The following HYI variants were observed in gnomAD, a reference collection of about 807,000 sequenced individuals.
The protein encoded by HYI is putative hydroxypyruvate isomerase.
Under a neutral mutation model 39.7 loss-of-function variants are expected in HYI, and 47 were observed. The observed-to-expected ratio is 1.18, with a 90% CI of 0.94 to 1.51. HYI has a LOEUF of 1.51. Among genes scored for constraint, HYI ranks in the 40% most tolerant of loss-of-function variants. HYI has a pLI of 0.00. For missense variants in HYI, 465 were observed against 370.3 expected (o/e 1.26, Z -2.10); for synonymous variants, 186 against 158.8 (o/e 1.17, Z -1.29).
downstream of HYI, chr1:43,450,879 G>C (rs373927228): frequency 1.4e-6 from 1 of 727,538 alleles, no homozygotes; most frequent in Non-Finnish European, 2.5e-6. This position sits in a 1 kb window ranked among gnomAD's most constrained non-coding sequence, Gnocchi z 4.3. Flanking sequence ...TTGAGCCTTC[G>C]GGTCTTCACT....
intron 2 of HYI, 43 bp from the exon 3 acceptor site, chr1:43,452,362 C>G: frequency 6.9e-7 from 1 of 1,459,408 alleles, no homozygotes; most frequent in African/African-American, 1.4e-5. Context: ...CCTTGGCTCT[C>G]TCTGCACCTC....
rs997249942 is a variant in HYI at position 43,453,643 on chromosome 1, C to G, written c.151G>C (p.Ala51Pro). The G allele has an allele frequency of 5.4e-6, 8 of 1,489,892 alleles. No homozygotes were observed. The highest frequency in any genetic ancestry group is 2.3e-5 in the Admixed American group (1 of 42,718). The allele number at this position is 1,489,892 out of a possible 1,614,324, so 92.3% of individuals were successfully genotyped here. A position where few individuals can be genotyped will look rare whatever the true frequency, so the allele number is the denominator to read the frequency against. The part of the protein sequence containing the change: ...YAETPEALAR[A>P]AREAGLRLVL... ...AGCCGCAGCCCCGCTTCTCGCGCGG[C>G]GCGCGCCAGCGCCTCAGGCGTCTCC... The change falls in exon 1 of 8, where the codon GCC (alanine) becomes CCC (proline). Residue 51 changes from alanine to proline, a missense_variant. Coordinates refer to ENST00000372430, the MANE Select transcript of HYI (RefSeq NM_001190880.3).
At position 43,453,460 on chromosome 1, in the gene HYI, G is replaced by T. The variant is rs777772412; in HGVS notation, c.237C>A (p.Val79=). 2 of 1,563,102 alleles carry T rather than the reference G, an allele frequency of 1.3e-6. No homozygotes were observed. The highest frequency in any genetic ancestry group is 8.7e-7 in the Non-Finnish European group (1 of 1,152,798). ...CTCGGAAGGCCGCCTGTCTCCCGGG[G>T]ACGGCCCCCAGCCCCATTTCCCCCT... is the stretch of plus-strand genomic sequence containing the variant. ...QEKGEMGLGA[V]PGRQAAFREG... is the part of the protein sequence containing the mutation. Residue 79 remains valine (V), a synonymous_variant, in exon 2 of 8, where the codon GTC becomes GTA. Transcript: ENST00000372430.
intron 2 of HYI, 74 bp downstream of exon 2, chr1:43,453,312 C>T: frequency 1.1e-6 from 1 of 950,894 alleles, no homozygotes; most frequent in Non-Finnish European, 1.6e-6. Context: ...CGTCTCAGAT[C>T]TGGCGTCCTC....
downstream of HYI, chr1:43,450,678 C>G: frequency 5.0e-6 from 4 of 797,296 alleles, no homozygotes; most frequent in South Asian, 6.7e-5. The surrounding 1 kb of genome is among the most constrained non-coding windows in gnomAD (Gnocchi z 4.3). Context: ...CAAACACCCA[C>G]AGCCACTGAC....
chr1:43,451,975 G>A lies in HYI; in HGVS notation c.465C>T (p.Arg155=), dbSNP rs1295988230. ...CCAGGAAGTACTGGGGGTCAGTGAT[G>A]CGGGTGTTGATGGGCTCCAGCAGTC... ...LVGLLEPINT[R]ITDPQYFLDT... The change falls in exon 4 of 8, where the codon CGC becomes CGT. Residue 155 remains arginine (R), a synonymous_variant. Transcript: ENST00000372430. 6.2e-7 allele frequency: 1 copy of A among 1,611,616 alleles called. No homozygotes were observed. The highest frequency in any genetic ancestry group is 1.1e-5 in the South Asian group (1 of 90,922).
intron 2 of HYI, 146 bp downstream of exon 2, chr1:43,453,240 G>A (rs1019906772): frequency 6.2e-6 from 4 of 647,000 alleles, no homozygotes; most frequent in Non-Finnish European, 1.1e-5. Context: ...AATACAAAAG[G>A]CAATTTACAA....
At position 43,453,779 on chromosome 1, in the gene HYI, G is replaced by A; in HGVS notation, c.15C>T (p.Arg5=). MAPL[R]FSANLSWLFP... ...ATAGCCAGGACAGATTGGCGGAGAA[G>A]CGCAGCGGCGCCATGCCTGGGGAGG... The change falls in exon 1 of 8, where the codon CGC becomes CGT. Residue 5 remains arginine, a synonymous_variant. Transcript: ENST00000372430. The A allele has an allele frequency of 3.1e-6, 4 of 1,285,476 alleles. No homozygotes were observed. Among genetic ancestry groups the A allele is most frequent in the South Asian group, 2.7e-5 (1 of 37,166 alleles). The allele number at this position is 1,285,476 out of a possible 1,614,324, so 79.6% of individuals were successfully genotyped here. A position where few individuals can be genotyped will look rare whatever the true frequency, so the allele number is the denominator to read the frequency against.
rs1380823309 is a variant in HYI, at chr1:43,453,707, G to T, written c.87C>A (p.Ser29Arg). The T allele has an allele frequency of 7.1e-7, 1 of 1,417,088 alleles. No individual in the cohort carries two copies. Among genetic ancestry groups the T allele is most frequent in the Non-Finnish European group, 9.1e-7 (1 of 1,095,476 alleles). 87.8% of individuals were successfully genotyped at this position (1,417,088 alleles called of 1,614,324 possible). A position where few individuals can be genotyped will look rare whatever the true frequency, so the allele number is the denominator to read the frequency against. The change falls in exon 1 of 8, where the codon AGC becomes AGA. Residue 29 changes from serine (S) to arginine (R), a missense_variant. Ser to Arg is a moderately radical substitution (Grantham distance 110, BLOSUM62 -1). Transcript: ENST00000372430. ...GLPARVRAAG[S>R]SGFEAVEVAW... The stretch of plus-strand genomic sequence containing the variant: ...CCACCTCGACGGCCTCGAAGCCCGA[G>T]CTGCCCGCGGCCCGCACCCGCGCGG...
chr1:43,452,751 A>G, intron 2 of HYI: 1 of 742,700 alleles, frequency 1.3e-6, no homozygotes, highest in South Asian at 1.7e-5. Context: ...CCCTCTTGCC[A>G]GTTCCTTCTG....
Position 43,451,285 on chromosome 1 carries a change from G to C in HYI, c.787C>G (p.Leu263Val), listed in dbSNP as rs371015864. 1 of 1,614,048 alleles carries C rather than the reference G, an allele frequency of 6.2e-7. No homozygotes were observed. The change falls in exon 8 of 8, where the codon CTA becomes GTA. Residue 263 changes from leucine (L) to valine (V), a missense_variant. Physicochemically the swap from Leu to Val is conservative, Grantham distance 32. Coordinates refer to ENST00000372430, the MANE Select transcript of HYI (RefSeq NM_001190880.3). ...RGDTVEGLSW[L>V]RSYWDRRGHP... is the part of the protein sequence containing the mutation. ...CCCCGCCTATCCCAGTATGAACGTA[G>C]CCAACTCAAGCCCTCTACTGTGTCT...
chr1:43,452,532 G>A (rs577356232), intron 2 of HYI: 45 of 656,300 alleles, frequency 6.9e-5, no homozygotes, highest in African/African-American at 3.6e-4. Context: ...TCCACCCACC[G>A]CCTCCTGCCT....
At position 43,452,530 on chromosome 1, in the gene HYI, C is replaced by T. The variant is rs1311169614; in HGVS notation, c.312-211G>A. On this transcript the variant is annotated intron_variant, in intron 2 of 7. Coordinates refer to ENST00000372430, the MANE Select transcript of HYI (RefSeq NM_001190880.3). Reference sequence around the variant, plus strand: ...TCCCAGACATCTCAGTGTCCACCCACCGCCTCCTGCCTCCAGTACTTTCCA... The same window carrying T: ...TCCCAGACATCTCAGTGTCCACCCATCGCCTCCTGCCTCCAGTACTTTCCA... 6 of 660,440 alleles carry T rather than the reference C, an allele frequency of 9.1e-6. No homozygotes were observed. The South Asian group carries it at 9.9e-5, about 11-fold the overall frequency. 40.9% of individuals were successfully genotyped at this position (660,440 alleles called of 1,614,324 possible).
rs776270340 is a variant in HYI, at chr1:43,451,653, A to G, written c.620T>C (p.Ile207Thr). The change falls in exon 6 of 8, where the codon ATT (isoleucine) becomes ACT (threonine). Residue 207 changes from isoleucine to threonine, a missense_variant. Transcript: ENST00000372430. Reference protein sequence around the residue: ...LTGNIREFLPIVGHVQVAQVP... With the variant: ...LTGNIREFLPTVGHVQVAQVP... ...GCAAAGGAAGGTCCTCTCACCAACA[A>G]TGGGCAGGAACTCCCGGATGTTTCC... 3.7e-6 allele frequency: 6 copies of G among 1,614,046 alleles called. No individual in the cohort carries two copies. Among genetic ancestry groups the G allele is most frequent in the African/African-American group, 2.7e-5 (2 of 75,020 alleles).
chr1:43,452,738 AT>A, intron 2 of HYI: 1 of 679,006 alleles, frequency 1.5e-6, no homozygotes, highest in South Asian at 1.8e-5. Context: ...ACCAGTAGTG[AT>A]CCCCTCTTGC....
Position 43,451,155 on chromosome 1 carries a change from A to G in HYI, c.*83T>C, listed in dbSNP as rs548394489. ...CACCCCATTACAGAGACATATGACA[A>G]TGTTCAGCAGGTCATCTTTAATGCA... On this transcript the variant is annotated 3_prime_UTR_variant, in exon 8 of 8. Coordinates refer to ENST00000372430, the MANE Select transcript of HYI (RefSeq NM_001190880.3). 2.2e-5 allele frequency: 28 copies of G among 1,271,978 alleles called. No individual in the cohort carries two copies. Among genetic ancestry groups the G allele is most frequent in the East Asian group, 1.6e-4 (7 of 43,320 alleles). The allele number at this position is 1,271,978 out of a possible 1,614,324, so 78.8% of individuals were successfully genotyped here.
chr1:43,452,385 C>T lies in HYI; in HGVS notation c.312-66G>A, dbSNP rs536182955. 2.9e-5 allele frequency: 38 copies of T among 1,298,726 alleles called. No individual in the cohort carries two copies. In the African/African-American group the frequency reaches 5.3e-4, roughly 18 times the overall value. The allele number at this position is 1,298,726 out of a possible 1,614,324, so 80.5% of individuals were successfully genotyped here. A position where few individuals can be genotyped will look rare whatever the true frequency, so the allele number is the denominator to read the frequency against. ...CTCTCTGCACCTCTTCCAGGATTCC[C>T]TGACTGTGCCAGCCCTCGTCCGTCT... is the stretch of plus-strand genomic sequence containing the variant. On this transcript the variant is annotated intron_variant, in intron 2 of 7. Coordinates refer to ENST00000372430, the MANE Select transcript of HYI (RefSeq NM_001190880.3).
At position 43,451,726 on chromosome 1, in the gene HYI, GA is replaced by G; in HGVS notation, c.556-10del. On this transcript the variant is annotated splice_polypyrimidine_tract_variant and intron_variant, in intron 5 of 7. Coordinates refer to ENST00000372430, the MANE Select transcript of HYI (RefSeq NM_001190880.3). The stretch of plus-strand genomic sequence containing the variant: ...TGCCAGTGGAATATGTCCTAGGGAA[GA>G]GGATACTACATTCCGAGACCCCGCA... 6.2e-7 allele frequency: 1 copy of G among 1,614,050 alleles called. No individual in the cohort carries two copies. The highest frequency in any genetic ancestry group is 8.5e-7 in the Non-Finnish European group (1 of 1,179,906).
intron 4 of HYI, 25 bp downstream of exon 4, chr1:43,451,906 CAGAA>C: frequency 6.2e-7 from 1 of 1,613,398 alleles, no homozygotes; most frequent in South Asian, 1.1e-5. Context: ...TCAAAAGGGA[CAGAA>C]GGAGAGACAG....
Sources: allele counts gnomAD v4.1 joint callset, GRCh38; gene constraint gnomAD v4.1.1; non-coding constraint Gnocchi (gnomAD v3.1); transcripts MANE v1.5; gene names NCBI Gene and HGNC (gene_info 2026-07-23, HGNC 2026-07-21).